The following BRD1 variants were observed in gnomAD, a reference collection of about 807,000 sequenced individuals.
The protein encoded by BRD1 is bromodomain containing 1, also known as bromodomain-containing protein 1.
BRD1 carries 24 observed loss-of-function variants against 107.7 expected under a neutral mutation model. That is an observed-to-expected ratio of 0.22 (90% CI 0.16 to 0.31). BRD1 has a LOEUF of 0.31. Among genes scored for constraint, BRD1 ranks in the 10% least tolerant of loss-of-function variants. The pLI is 1.00. For synonymous variants in BRD1, 744 were observed against 686.1 expected (o/e 1.08, Z -1.32); for missense variants, 1,279 against 1,638.6 (o/e 0.78, Z 3.79).
intron 2 of BRD1, among the ~76,000 whole-genome samples, chr22:49,820,598 CCT>C (rs1402986217): frequency 6.6e-6 from 1 of 152,172 alleles, no homozygotes; most frequent in African/African-American, 2.4e-5. Flanking sequence ...AGAACAAGAC[CCT>C]GTCTCTAAAC....
chr22:49,794,336 C>A, intron 6 of BRD1, 42 bp from the exon 7 acceptor site: 1 of 1,572,562 alleles, frequency 6.4e-7, no homozygotes, highest in Non-Finnish European at 8.6e-7. Context: ...AGGTCCCACG[C>A]ACCTTCTGGG....
Position 49,787,658 on chromosome 22 carries a change from C to T in BRD1, c.2589G>A (p.Pro863=), listed in dbSNP as rs1188087368. The change falls in exon 8 of 13, where the codon CCG becomes CCA. Residue 863 remains proline (P), a synonymous_variant. Transcript: ENST00000404760. ...CCGCCACCGCGGAGGCCGCCGCCGCCGGCACATCGCCACTACTGGCGCGGG... is the reference window on the plus strand; with the variant it reads ...CCGCCACCGCGGAGGCCGCCGCCGCTGGCACATCGCCACTACTGGCGCGGG... The part of the protein sequence containing the change: ...EPTRASSGDV[P]AAAASAVAEP... 36 of 1,550,498 alleles carry T rather than the reference C, an allele frequency of 2.3e-5. No individual in the cohort carries two copies. The highest frequency in any genetic ancestry group is 4.9e-5 in the East Asian group (2 of 40,928).
At chr22:49,815,665 C>T (rs1868565360) in intron 2 of BRD1, among the ~76,000 whole-genome samples, 1 of 152,208 alleles carries the variant, frequency 6.6e-6, no homozygotes, top group South Asian at 2.1e-4. Flanking sequence ...CAGCTACAAT[C>T]TGCACTAAAA....
chr22:49,810,224 A>G (rs1368156055), intron 2 of BRD1, among the ~76,000 whole-genome samples: 1 of 152,222 alleles, frequency 6.6e-6, no homozygotes, highest in African/African-American at 2.4e-5. Context: ...ATTATCATAT[A>G]TAGGAAAACA....
chr22:49,820,201 T>C (rs966264172), intron 2 of BRD1, among the ~76,000 whole-genome samples: 2 of 152,204 alleles, frequency 1.3e-5, no homozygotes, highest in Non-Finnish European at 2.9e-5. Context: ...ACTAGAATTA[T>C]AAAAGCAGTC....
At chr22:49,784,139 T>C (rs1233328928) in intron 8 of BRD1, among the ~76,000 whole-genome samples, 1 of 145,244 alleles carries the variant, frequency 6.9e-6, no homozygotes, top group Non-Finnish European at 1.5e-5. Flanking sequence ...CGGCAGCGAG[T>C]GGACAAAGAC....
intron 8 of BRD1, among the ~76,000 whole-genome samples, chr22:49,784,899 TGCTCAGGAGAGA>T (rs1302698920): frequency 6.6e-6 from 1 of 152,208 alleles, no homozygotes; most frequent in Non-Finnish European, 1.5e-5. Context: ...GGCTCCCGGC[TGCTCAGGAGAGA>T]GCTCAGGAAC....
intron 7 of BRD1, among the ~76,000 whole-genome samples, chr22:49,788,476 A>T (rs1443371177): frequency 6.6e-6 from 1 of 152,242 alleles, no homozygotes; most frequent in East Asian, 1.9e-4. Context: ...ACGTTCCCAA[A>T]TATTGTGATG....
rs771198220 is a variant in BRD1 at position 49,823,382 on chromosome 22, G to A, written c.936C>T (p.Ile312=). The change falls in exon 2 of 13, where the codon ATC becomes ATT. Residue 312 remains isoleucine, a synonymous_variant. Coordinates refer to ENST00000404760, the MANE Select transcript of BRD1 (RefSeq NM_001304808.3). ...CTGGAGGGATGTTCCTCACCCCATC[G>A]ATGGGCTCGATGAACACCGTGTTGG... ...GFANTVFIEP[I]DGVRNIPPAR... is the part of the protein sequence containing the mutation. The A allele has an allele frequency of 5.6e-6, 9 of 1,613,658 alleles. No individual in the cohort carries two copies. Among genetic ancestry groups the A allele is most frequent in the African/African-American group, 1.3e-5 (1 of 74,936 alleles).
At chr22:49,805,265 C>A (rs1180573084) in intron 2 of BRD1, among the ~76,000 whole-genome samples, 2 of 152,166 alleles carry the variant, frequency 1.3e-5, no homozygotes, top group Admixed American at 1.3e-4. Context: ...AACCCAACGC[C>A]GCCTCTTCCG....
intron 5 of BRD1, among the ~76,000 whole-genome samples, chr22:49,798,357 A>G (rs2059575570): frequency 6.6e-6 from 1 of 152,254 alleles, no homozygotes; most frequent in Non-Finnish European, 1.5e-5. Context: ...CTGTCTGCAC[A>G]GGGCCTCTTG....
Position 49,824,239 on chromosome 22 carries a change from T to A in BRD1, c.79A>T (p.Thr27Ser). 6.2e-7 allele frequency: 1 copy of A among 1,613,972 alleles called. No homozygotes were observed. Among genetic ancestry groups the A allele is most frequent in the Non-Finnish European group, 8.5e-7 (1 of 1,180,024 alleles). The change falls in exon 2 of 13, where the codon ACG (threonine) becomes TCG (serine). Residue 27 changes from threonine (T) to serine (S), a missense_variant. This residue lies in a region of BRD1 where 223 missense variants were observed against 263.5 expected (regional missense o/e 0.85). Transcript: ENST00000404760. The surrounding 1 kb of genome is among the most constrained non-coding windows in gnomAD (Gnocchi z 5.9). The stretch of plus-strand genomic sequence containing the variant: ...TGAGCGTAGGTCAGCGTTTCTCGCG[T>A]AGGGGAGTGTTTAACACTGCATGGG... Reference protein sequence around the residue: ...SSPCSVKHSPTRETLTYAQAQ... With the variant: ...SSPCSVKHSPSRETLTYAQAQ...
chr22:49,798,916 C>A, intron 4 of BRD1, 72 bp downstream of exon 4: 4 of 1,525,638 alleles, frequency 2.6e-6, no homozygotes, highest in Non-Finnish European at 2.6e-6. Flanking sequence ...CCACCCTCTG[C>A]AGGAGCTGCC....
rs1004253554 is a variant in BRD1, at chr22:49,787,243, C to A, written c.2857+147G>T. 11 of 1,113,922 alleles carry A rather than the reference C, an allele frequency of 9.9e-6. No individual in the cohort carries two copies. The African/African-American group carries it at 1.4e-4, about 15-fold the overall frequency. The allele number at this position is 1,113,922 out of a possible 1,614,324, so 69.0% of individuals were successfully genotyped here. A position where few individuals can be genotyped will look rare whatever the true frequency, so the allele number is the denominator to read the frequency against. ...AACTCAAGGCTTTTCAAAGAAAACA[C>A]TGCACTGTTGTCTTCTCTGGAAATT... On this transcript the variant is annotated intron_variant, in intron 8 of 12. Transcript: ENST00000404760.
intron 8 of BRD1, among the ~76,000 whole-genome samples, chr22:49,780,620 G>C (rs1166844050): frequency 6.6e-6 from 1 of 152,174 alleles, no homozygotes; most frequent in South Asian, 2.1e-4. Context: ...CCAGAACCTC[G>C]GGGGAGCTGC....
chr22:49,781,524 G>A (rs550712834), intron 8 of BRD1, among the ~76,000 whole-genome samples: 1 of 152,380 alleles, frequency 6.6e-6, no homozygotes, highest in African/African-American at 2.4e-5. Flanking sequence ...AAGAACACCA[G>A]GCCCTGATCA....
intron 2 of BRD1, chr22:49,818,430 C>T (rs757385478): frequency 1.9e-6 from 2 of 1,045,228 alleles, no homozygotes; most frequent in Admixed American, 4.5e-5. Flanking sequence ...TCCCTCATTT[C>T]ATGCAATAAC....
chr22:49,778,351 A>G (rs1267010548), intron 8 of BRD1, among the ~76,000 whole-genome samples: 1 of 152,242 alleles, frequency 6.6e-6, no homozygotes, highest in Non-Finnish European at 1.5e-5. Context: ...GAAGTCAAAA[A>G]TGCTGACGAA....
chr22:49,787,938 C>A, intron 7 of BRD1, 51 bp from the exon 8 acceptor site: 1 of 1,408,552 alleles, frequency 7.1e-7, no homozygotes, highest in African/African-American at 1.5e-5. Flanking sequence ...ATTATAAAAT[C>A]TATTATAAAA....
Sources: allele counts gnomAD v4.1 joint callset (sites outside exome capture counted in the v4.1 genomes callset), GRCh38; gene constraint gnomAD v4.1.1; regional missense constraint gnomAD v4.1.1; non-coding constraint Gnocchi (gnomAD v3.1); transcripts MANE v1.5; gene names NCBI Gene and HGNC (gene_info 2026-07-23, HGNC 2026-07-21).